USP7: variants seen among roughly 807,000 people sequenced by gnomAD.
USP7 encodes the protein ubiquitin specific peptidase 7, also known as ubiquitin C-terminal hydrolase 7.
A neutral mutation model predicts 162.9 loss-of-function variants in USP7; 9 were observed. The ratio of observed to expected loss-of-function variants is 0.06; its 90% CI spans 0.03 to 0.10. USP7 has a LOEUF of 0.10. Among genes scored for constraint, USP7 ranks in the 10% least tolerant of loss-of-function variants. USP7 has a pLI of 1.00. For synonymous variants in USP7, 562 were observed against 475.9 expected (o/e 1.18, Z -2.35); for missense variants, 715 against 1,373.7 (o/e 0.52, Z 7.58).
intron 5 of USP7, among the ~76,000 whole-genome samples, chr16:8,919,607 T>C (rs2126999): frequency 0.046 from 6,970 of 152,160 alleles, 218 homozygotes; most frequent in Middle Eastern, 0.14. Context: ...CAGAGCTTTT[T>C]TTATTTTGTG....
At chr16:8,918,979 T>G in intron 6 of USP7, 52 bp downstream of exon 6, 1 of 1,587,268 alleles carries the variant, frequency 6.3e-7, no homozygotes, top group South Asian at 1.1e-5. Context: ...CTGATATACC[T>G]GAGAAGAAAG....
At chr16:8,946,648 G>A (rs1567243921) in intron 1 of USP7, among the ~76,000 whole-genome samples, 2 of 152,122 alleles carry the variant, frequency 1.3e-5, no homozygotes, top group African/African-American at 4.8e-5. Flanking sequence ...AGAGCATACA[G>A]GCATGGCAAA....
At chr16:8,904,850 T>C (rs957362689) in intron 14 of USP7, among the ~76,000 whole-genome samples, 1 of 152,062 alleles carries the variant, frequency 6.6e-6, no homozygotes, top group Non-Finnish European at 1.5e-5. Flanking sequence ...CAGACGCCTG[T>C]AGTCCCAGCT....
chr16:8,936,568 G>A lies in USP7; in HGVS notation c.80-6171C>T, dbSNP rs1016783851. On this transcript the variant is annotated intron_variant, in intron 1 of 30. Transcript: ENST00000344836. ...ATCACCAGCATAAGGAGCTCAACCT[G>A]AAAACCTGACTCACCTTCCAGCCCA... 2.6e-6 allele frequency: 4 copies of A among 1,532,378 alleles called. No individual in the cohort carries two copies. The African/African-American group carries it at 4.1e-5, about 16-fold the overall frequency. 94.9% of individuals were successfully genotyped at this position (1,532,378 alleles called of 1,614,324 possible).
At position 8,905,245 on chromosome 16, in the gene USP7, C is replaced by A; in HGVS notation, c.1515G>T (p.Leu505=). The change falls in exon 14 of 31, where the codon CTG becomes CTT. Residue 505 remains leucine, a synonymous_variant. Transcript: ENST00000344836. ...AAGCATTAGTGCAGTGTCGAACAGA[C>A]AGGTCGTCATCGTGACCCCCATAAT... The part of the protein sequence containing the change: ...EHNYGGHDDD[L]SVRHCTNAYM... 2 of 1,614,202 alleles carry A rather than the reference C, an allele frequency of 1.2e-6. No individual in the cohort carries two copies. Among genetic ancestry groups the A allele is most frequent in the Non-Finnish European group, 1.7e-6 (2 of 1,180,042 alleles).
At chr16:8,903,242 G>A (rs2061806275) in intron 16 of USP7, 26 bp downstream of exon 16, 2 of 1,600,144 alleles carry the variant, frequency 1.2e-6, no homozygotes, top group Admixed American at 1.7e-5. Flanking sequence ...GCCACGGTGG[G>A]GTATATCCAC....
chr16:8,898,162 C>T (rs1038648610), intron 25 of USP7, among the ~76,000 whole-genome samples, 198 bp downstream of exon 25: 36 of 152,154 alleles, frequency 2.4e-4, no homozygotes, highest in Non-Finnish European at 1.2e-4. Flanking sequence ...CTTAGCTCCA[C>T]ATGTCATGCA....
intron 1 of USP7, among the ~76,000 whole-genome samples, chr16:8,959,671 C>G (rs1287535616): frequency 6.6e-6 from 1 of 152,186 alleles, no homozygotes; most frequent in Non-Finnish European, 1.5e-5. Context: ...CGTTACAGTG[C>G]TATTTGAAAG....
intron 2 of USP7, among the ~76,000 whole-genome samples, chr16:8,925,713 C>G (rs535251962): frequency 6.6e-6 from 1 of 152,206 alleles, no homozygotes; most frequent in African/African-American, 2.4e-5. Context: ...AATTAGTGCA[C>G]TGCACACTCG....
intron 11 of USP7, 41 bp downstream of exon 11, chr16:8,910,703 AG>A: frequency 1.9e-6 from 3 of 1,548,102 alleles, no homozygotes; most frequent in Non-Finnish European, 2.6e-6. Flanking sequence ...AAAATAAAGA[AG>A]AACGCTACAA....
chr16:8,957,127 C>G (rs1899842268), intron 1 of USP7, among the ~76,000 whole-genome samples: 1 of 152,140 alleles, frequency 6.6e-6, no homozygotes, highest in Non-Finnish European at 1.5e-5. Flanking sequence ...TTAAAATTAC[C>G]AACCCTCAGA....
At chr16:8,900,433 G>A (rs985763059) in intron 21 of USP7, 97 bp downstream of exon 21, 21 of 826,602 alleles carry the variant, frequency 2.5e-5, no homozygotes, top group South Asian at 8.1e-5. Flanking sequence ...AAACAAAAAC[G>A]TGGCTCGGGA....
intron 5 of USP7, among the ~76,000 whole-genome samples, chr16:8,919,792 C>T (rs1567224358): frequency 6.6e-6 from 1 of 151,816 alleles, no homozygotes; most frequent in African/African-American, 2.4e-5. Context: ...GACCTGAACA[C>T]ACGACCGTCA....
Position 8,915,235 on chromosome 16 carries a change from A to G in USP7, c.1078+19T>C. 1.3e-6 allele frequency: 2 copies of G among 1,554,720 alleles called. No homozygotes were observed. Among genetic ancestry groups the G allele is most frequent in the Non-Finnish European group, 1.7e-6 (2 of 1,143,864 alleles). ...GAAATCATCAAAAGATCATGCCATT[A>G]GATACACACAACACTTACTATTTTT... On this transcript the variant is annotated intron_variant, in intron 10 of 30. Transcript: ENST00000344836.
chr16:8,943,130 T>C (rs958444778), intron 1 of USP7, among the ~76,000 whole-genome samples: 1 of 152,070 alleles, frequency 6.6e-6, no homozygotes, highest in Non-Finnish European at 1.5e-5. Context: ...AGGCCACATA[T>C]AATATGTGAT....
chr16:8,951,734 T>G (rs1899562491), intron 1 of USP7, among the ~76,000 whole-genome samples: 1 of 152,180 alleles, frequency 6.6e-6, no homozygotes, highest in South Asian at 2.1e-4. Context: ...CATTTAAATC[T>G]CTCCATACAC....
At chr16:8,921,130 G>C (rs1287107418) in intron 4 of USP7, 27 bp downstream of exon 4, 1 of 1,610,156 alleles carries the variant, frequency 6.2e-7, no homozygotes, top group African/African-American at 1.3e-5. Context: ...TGCACCAATT[G>C]TTCAGACTAA....
At position 8,929,262 on chromosome 16, in the gene USP7, A is replaced by G. The variant is rs565280495; in HGVS notation, c.184+1031T>C. On this transcript the variant is annotated intron_variant, in intron 2 of 30. Transcript: ENST00000344836. Reference sequence around the variant, plus strand: ...CTCAGATGTCTAAAGTAAAACCTCCAAAAGCCCAACAACCAGCGAGACCAC... The same window carrying G: ...CTCAGATGTCTAAAGTAAAACCTCCGAAAGCCCAACAACCAGCGAGACCAC... The G allele has an allele frequency of 6.5e-5, 22 of 338,850 alleles. No individual in the cohort carries two copies. The Admixed American group carries it at 7.7e-4, about 12-fold the overall frequency. 21.0% of individuals were successfully genotyped at this position (338,850 alleles called of 1,614,324 possible).
intron 7 of USP7, 52 bp downstream of exon 7, chr16:8,916,969 TAAAAA>T (rs34357840): frequency 9.7e-5 from 125 of 1,295,172 alleles, no homozygotes; most frequent in South Asian, 3.9e-4. Context: ...TCACTTGTCC[TAAAAA>T]AAAAAAAAAA....
Sources: allele counts gnomAD v4.1 joint callset (sites outside exome capture counted in the v4.1 genomes callset), GRCh38; gene constraint gnomAD v4.1.1; transcripts MANE v1.5; gene names NCBI Gene and HGNC (gene_info 2026-07-23, HGNC 2026-07-21).